Variants in ITPR1 observed in about 807,000 individuals in gnomAD.
ITPR1 encodes the protein inositol 1,4,5-trisphosphate-gated calcium channel ITPR1.
In ITPR1, 96 loss-of-function variants were observed where a neutral mutation model predicts 318.4. The observed-to-expected ratio is 0.30, with a 90% confidence interval of 0.26 to 0.36. The LOEUF is 0.36. Ranked by LOEUF, ITPR1 falls within the 10% of genes least tolerant of loss-of-function variation. The pLI is 1.00. For missense variants in ITPR1, 2,440 were observed against 3,460.2 expected, an observed-to-expected ratio of 0.71 and a Z score of 7.40; for synonymous variants, 1,312 against 1,289.9, an observed-to-expected ratio of 1.02 and a Z score of -0.37.
At position 4,710,813 on chromosome 3, in the gene ITPR1, C is replaced by G. The variant is rs995528328; in HGVS notation, c.4991+340C>G. Among the ~76,000 whole-genome samples, 1 of 152,168 alleles carries G rather than the reference C, an allele frequency of 6.6e-6. No homozygotes were observed. The highest frequency in any genetic ancestry group is 1.5e-5 in the Non-Finnish European group (1 of 68,032). On this transcript the variant is annotated intron_variant, in intron 38 of 61. Transcript: ENST00000649015. The surrounding 1 kb of genome is among the most constrained non-coding windows in gnomAD (Gnocchi z 4.2). ...CAGCCCTCAGAAATCTCAGATCTATCGTGACCTCACCATCTTTTCCTAATA... is the reference window on the plus strand; with the variant it reads ...CAGCCCTCAGAAATCTCAGATCTATGGTGACCTCACCATCTTTTCCTAATA...
At chr3:4,677,717 G>T (rs1319653971) in intron 24 of ITPR1, among the ~76,000 whole-genome samples, 1 of 152,164 alleles carries the variant, frequency 6.6e-6, no homozygotes, top group Non-Finnish European at 1.5e-5. Context: ...GTTTATTTTT[G>T]TTGTAATATT....
At position 4,521,972 on chromosome 3, in the gene ITPR1, C is replaced by T. The variant is rs145950681; in HGVS notation, c.163+878C>T. On this transcript the variant is annotated intron_variant, in intron 4 of 61. Transcript: ENST00000649015. ...GGCCTCCTGAATTTGGTATCTTTCTCCAAAGGTAGCTTAGTTTATTGTAGG... is the reference window on the plus strand; with the variant it reads ...GGCCTCCTGAATTTGGTATCTTTCTTCAAAGGTAGCTTAGTTTATTGTAGG... Among the ~76,000 whole-genome samples, 51 of 152,302 alleles carry T rather than the reference C, an allele frequency of 3.3e-4. No homozygotes were observed. In the East Asian group the frequency reaches 7.3e-3, roughly 22 times the overall value.
intron 14 of ITPR1, among the ~76,000 whole-genome samples, chr3:4,661,588 T>C (rs2093834032): frequency 6.6e-6 from 1 of 152,244 alleles, no homozygotes; most frequent in African/African-American, 2.4e-5. Flanking sequence ...GGGTTTTCTT[T>C]TAACAAGTGG....
At chr3:4,836,024 A>G (rs767343712) in intron 60 of ITPR1, among the ~76,000 whole-genome samples, 5 of 152,196 alleles carry the variant, frequency 3.3e-5, no homozygotes, top group Non-Finnish European at 7.4e-5. Context: ...AGAAGAGCCT[A>G]TTCCCCATTT....
chr3:4,811,203 T>C, intron 55 of ITPR1, 62 bp from the exon 56 acceptor site: 1 of 1,213,836 alleles, frequency 8.2e-7, no homozygotes, highest in South Asian at 1.8e-5. Flanking sequence ...GTTTGCATTA[T>C]GGGATAGTGA....
intron 57 of ITPR1, 29 bp from the exon 58 acceptor site, chr3:4,814,394 C>T (rs749221831): frequency 6.2e-7 from 1 of 1,613,234 alleles, no homozygotes; most frequent in Non-Finnish European, 8.5e-7. Flanking sequence ...CTCACGTTTT[C>T]TCTCTGTTGT....
intron 20 of ITPR1, among the ~76,000 whole-genome samples, chr3:4,672,860 G>A (rs543918520): frequency 6.6e-6 from 1 of 152,258 alleles, no homozygotes; most frequent in East Asian, 1.9e-4. Flanking sequence ...GGACCTAGTG[G>A]AATTAGGTCG....
intron 12 of ITPR1, among the ~76,000 whole-genome samples, chr3:4,657,386 G>GTTTTTTTTTTTT (rs112693174): frequency 7.5e-6 from 1 of 133,220 alleles, no homozygotes. Context: ...TGTACCTAGA[G>GTTTTTTTTTTTT]TTTTTTTTTT....
At chr3:4,671,706 T>C (rs1031439860) in intron 20 of ITPR1, 6 of 152,186 alleles carry the variant, frequency 3.9e-5, no homozygotes, top group Admixed American at 1.3e-4. Context: ...ATTAATACTT[T>C]TAAAAGAAAA....
chr3:4,672,080 G>A (rs373945036), intron 20 of ITPR1, among the ~76,000 whole-genome samples: 1 of 152,112 alleles, frequency 6.6e-6, no homozygotes, highest in Non-Finnish European at 1.5e-5. Context: ...CATTTTCATC[G>A]CTGTTTGATA....
At chr3:4,592,143 C>T (rs1040988065) in intron 4 of ITPR1, among the ~76,000 whole-genome samples, 3 of 152,154 alleles carry the variant, frequency 2.0e-5, no homozygotes, top group South Asian at 2.1e-4. Flanking sequence ...CAGGGAACTA[C>T]GTCAGTCCTG....
At chr3:4,505,747 G>A (rs2081351574) in intron 2 of ITPR1, among the ~76,000 whole-genome samples, 1 of 152,224 alleles carries the variant, frequency 6.6e-6, no homozygotes, top group Non-Finnish European at 1.5e-5. Context: ...TGCTGTGTGA[G>A]TGAGATGCTG....
At chr3:4,521,312 A>G (rs114481201) in intron 4 of ITPR1, among the ~76,000 whole-genome samples, 2 of 152,284 alleles carry the variant, frequency 1.3e-5, no homozygotes, top group Non-Finnish European at 2.9e-5. Context: ...TAATTTGTCT[A>G]TTGAATATGT....
At chr3:4,754,740 A>C (rs3805005) in intron 44 of ITPR1, among the ~76,000 whole-genome samples, 28,849 of 152,146 alleles carry the variant, frequency 0.19, 4,128 homozygotes, top group East Asian at 0.39. Flanking sequence ...GAGCCACCAG[A>C]ACACCTTCTT....
intron 60 of ITPR1, among the ~76,000 whole-genome samples, chr3:4,823,944 T>G (rs910597999): frequency 6.6e-6 from 1 of 152,234 alleles, no homozygotes; most frequent in African/African-American, 2.4e-5. Flanking sequence ...GTTGGAATTC[T>G]GCCCGGTTAA....
At chr3:4,586,460 T>G (rs1050405288) in intron 4 of ITPR1, among the ~76,000 whole-genome samples, 3 of 152,060 alleles carry the variant, frequency 2.0e-5, no homozygotes, top group African/African-American at 4.8e-5. Flanking sequence ...CTATGCTGCT[T>G]CTTACTGCTA....
chr3:4,599,885 G>A (rs1382475409), intron 4 of ITPR1, among the ~76,000 whole-genome samples: 5 of 152,164 alleles, frequency 3.3e-5, no homozygotes, highest in Non-Finnish European at 4.4e-5. Context: ...CAGTTTTGAC[G>A]TATGTATGAA....
chr3:4,600,891 G>T (rs549790126), intron 4 of ITPR1, among the ~76,000 whole-genome samples: 1 of 152,308 alleles, frequency 6.6e-6, no homozygotes, highest in African/African-American at 2.4e-5. Flanking sequence ...ATTGTGTGGG[G>T]ACAACTCATG....
intron 4 of ITPR1, among the ~76,000 whole-genome samples, chr3:4,547,775 A>G (rs1216264079): frequency 6.6e-6 from 1 of 152,180 alleles, no homozygotes; most frequent in Admixed American, 6.5e-5. Flanking sequence ...TTCAACCTCA[A>G]ATACATCAAA....
Sources: gnomAD v4.1 joint callset for allele counts (sites outside exome capture counted in the v4.1 genomes callset) on GRCh38, gnomAD v4.1.1 for gene constraint, Gnocchi (gnomAD v3.1) non-coding constraint, MANE v1.5 for transcripts, NCBI Gene and HGNC (gene_info 2026-07-23, HGNC 2026-07-21) for gene names.